The following PLSCR1 variants were observed in gnomAD, a reference collection of about 807,000 sequenced individuals.
PLSCR1 encodes PL scramblase 1.
A neutral mutation model predicts 37.8 loss-of-function variants in PLSCR1; 17 were observed. The observed-to-expected ratio is 0.45, with a 90% CI of 0.31 to 0.68. PLSCR1 has a LOEUF of 0.68. Among genes scored for constraint, PLSCR1 ranks in the 30% least tolerant of loss-of-function variants. The pLI, the probability that PLSCR1 is intolerant of heterozygous loss-of-function variation, is 0.06. For synonymous variants in PLSCR1, 116 were observed against 125.9 expected, an observed-to-expected ratio of 0.92 and a Z score of 0.53; for missense variants, 347 against 380.9, an observed-to-expected ratio of 0.91 and a Z score of 0.74.
At position 146,533,578 on chromosome 3, in the gene PLSCR1, G is replaced by A. The variant is rs570279199; in HGVS notation, c.14-28C>T. The A allele has an allele frequency of 1.4e-5, 19 of 1,314,204 alleles. 1 individual carries two copies. The South Asian group carries it at 1.8e-4, about 13-fold the overall frequency. The allele number at this position is 1,314,204 out of a possible 1,614,324, so 81.4% of individuals were successfully genotyped here. On this transcript the variant is annotated intron_variant, in intron 2 of 8. Transcript: ENST00000342435. ...GCAATTCAAGGAGAGGTAAATAGAT[G>A]TCTGATTAAATAAAATATATATTAG...
At chr3:146,535,651 A>T (rs2044256588) in intron 2 of PLSCR1, among the ~76,000 whole-genome samples, 1 of 152,198 alleles carries the variant, frequency 6.6e-6, no homozygotes, top group South Asian at 2.1e-4. Context: ...GTTGCCTATG[A>T]CCATCACCAG....
intron 1 of PLSCR1, among the ~76,000 whole-genome samples, chr3:146,537,612 G>A (rs72992388): frequency 0.05 from 7,651 of 152,164 alleles, 644 homozygotes; most frequent in African/African-American, 0.17. Flanking sequence ...GGTGGCTTAT[G>A]CCTATAATGC....
chr3:146,542,237 C>T (rs762711509), intron 1 of PLSCR1, among the ~76,000 whole-genome samples: 15 of 152,136 alleles, frequency 9.9e-5, no homozygotes, highest in Non-Finnish European at 2.1e-4. Flanking sequence ...TTCCCTCCAG[C>T]CCAGGACTTC....
chr3:146,535,677 T>C (rs994468001), intron 2 of PLSCR1, among the ~76,000 whole-genome samples: 2 of 152,174 alleles, frequency 1.3e-5, no homozygotes, highest in East Asian at 1.9e-4. Context: ...TTTTTGTAAA[T>C]TGAGTGGAAT....
At chr3:146,525,313 T>TG (rs776098611) in intron 5 of PLSCR1, among the ~76,000 whole-genome samples, 18 of 152,180 alleles carry the variant, frequency 1.2e-4, no homozygotes, top group Non-Finnish European at 2.2e-4. Context: ...ATAGCTTAAG[T>TG]GGTAGAAGTC....
At chr3:146,521,002 G>C (rs1255034975) in intron 7 of PLSCR1, among the ~76,000 whole-genome samples, 1 of 151,950 alleles carries the variant, frequency 6.6e-6, no homozygotes, top group Non-Finnish European at 1.5e-5. Flanking sequence ...TTAATATGTT[G>C]CAGCTTCTAG....
At chr3:146,529,987 T>C (rs961349752) in intron 3 of PLSCR1, among the ~76,000 whole-genome samples, 3 of 152,222 alleles carry the variant, frequency 2.0e-5, no homozygotes, top group Non-Finnish European at 4.4e-5. Flanking sequence ...TCCTTTGGTC[T>C]CTGGAAAATA....
chr3:146,523,651 C>T (rs920860761), intron 5 of PLSCR1, among the ~76,000 whole-genome samples: 3 of 152,148 alleles, frequency 2.0e-5, no homozygotes, highest in Admixed American at 6.6e-5. Flanking sequence ...CAAACGTGTT[C>T]GGCAACCAAG....
intron 1 of PLSCR1, among the ~76,000 whole-genome samples, chr3:146,537,603 GT>G (rs765595499): frequency 1.1e-4 from 17 of 152,272 alleles, no homozygotes; most frequent in Non-Finnish European, 1.9e-4. Flanking sequence ...GCCAGGGATG[GT>G]GGCTTATGCC....
chr3:146,528,461 T>A (rs1408492150), intron 4 of PLSCR1, 153 bp downstream of exon 4: 16 of 645,382 alleles, frequency 2.5e-5, no homozygotes, highest in Non-Finnish European at 3.8e-5. Flanking sequence ...TGCTTTAAAA[T>A]TGAACCAGAC....
chr3:146,544,304 C>T lies in PLSCR1; in HGVS notation c.-14+163G>A, dbSNP rs7616011. The stretch of plus-strand genomic sequence containing the variant: ...GCATTTCTGGCCCCAACCTTCACCC[C>T]ACATCCTCCACCCCCAGAGCAGCAA... On this transcript the variant is annotated intron_variant, in intron 1 of 8. Transcript: ENST00000342435. Among the ~76,000 whole-genome samples the T allele has an allele frequency of 2.0e-5, 3 of 152,246 alleles. No homozygotes were observed. The East Asian group carries it at 5.8e-4, about 30-fold the overall frequency.
chr3:146,540,523 C>T (rs2044325240), intron 1 of PLSCR1, among the ~76,000 whole-genome samples: 1 of 152,122 alleles, frequency 6.6e-6, no homozygotes, highest in Non-Finnish European at 1.5e-5. Context: ...AAAAGTATTA[C>T]TGTAAAATCT....
intron 1 of PLSCR1, among the ~76,000 whole-genome samples, chr3:146,538,471 A>C (rs1301031495): frequency 6.6e-6 from 1 of 152,176 alleles, no homozygotes; most frequent in African/African-American, 2.4e-5. Flanking sequence ...TTTAATTAAC[A>C]CACTGGACTA....
chr3:146,526,967 G>T (rs933844164), intron 4 of PLSCR1, among the ~76,000 whole-genome samples: 39 of 152,198 alleles, frequency 2.6e-4, no homozygotes, highest in African/African-American at 9.1e-4. Flanking sequence ...TGGTGAAACC[G>T]TCTCTACTAA....
intron 3 of PLSCR1, among the ~76,000 whole-genome samples, chr3:146,531,076 C>T (rs1223946517): frequency 6.6e-6 from 1 of 152,040 alleles, no homozygotes; most frequent in Non-Finnish European, 1.5e-5. Flanking sequence ...ACTAGAGATG[C>T]CAAAGGTCGC....
At chr3:146,530,908 A>G (rs2044189232) in intron 3 of PLSCR1, among the ~76,000 whole-genome samples, 1 of 152,250 alleles carries the variant, frequency 6.6e-6, no homozygotes, top group Non-Finnish European at 1.5e-5. Context: ...ATTAGAATTT[A>G]CAATGGAAAA....
At chr3:146,540,447 C>T (rs2044324286) in intron 1 of PLSCR1, among the ~76,000 whole-genome samples, 1 of 152,148 alleles carries the variant, frequency 6.6e-6, no homozygotes, top group South Asian at 2.1e-4. Flanking sequence ...CTTCAAAATT[C>T]ATATTACAGT....
At chr3:146,517,239 A>C (rs767953909) in intron 7 of PLSCR1, 72 bp from the exon 8 acceptor site, 57 of 829,514 alleles carry the variant, frequency 6.9e-5, no homozygotes, top group Admixed American at 9.7e-5. Flanking sequence ...ATTTGAAGTA[A>C]GATGAAACAA....
intron 5 of PLSCR1, among the ~76,000 whole-genome samples, chr3:146,523,539 G>A (rs375308203): frequency 6.6e-6 from 1 of 152,116 alleles, no homozygotes; most frequent in Admixed American, 6.5e-5. Context: ...CATAAAAACC[G>A]AGGGAGTAAA....
Sources: gnomAD v4.1 joint callset for allele counts (sites outside exome capture counted in the v4.1 genomes callset) on GRCh38, gnomAD v4.1.1 for gene constraint, MANE v1.5 for transcripts, NCBI Gene and HGNC (gene_info 2026-07-23, HGNC 2026-07-21) for gene names.